DCC: variants seen among roughly 807,000 people sequenced by gnomAD.
The protein encoded by DCC is DCC netrin 1 receptor.
DCC carries 58 observed loss-of-function variants against 172.5 expected under a neutral mutation model. That is an observed-to-expected ratio of 0.34 (90% CI 0.27 to 0.42). DCC has a LOEUF of 0.42. Ranked by LOEUF, DCC falls within the 10% of genes least tolerant of loss-of-function variation. The pLI is 1.00. For synonymous variants in DCC, 709 were observed against 644.5 expected (o/e 1.10, Z -1.52); for missense variants, 1,740 against 1,791.0 (o/e 0.97, Z 0.51).
intron 12 of DCC, among the ~76,000 whole-genome samples, chr18:53,268,290 T>A (rs925437074): frequency 6.6e-6 from 1 of 152,174 alleles, no homozygotes; most frequent in Non-Finnish European, 1.5e-5. Context: ...GCAATCTGAT[T>A]TACACATACT....
rs561768541 is a variant in DCC at position 53,007,806 on chromosome 18, T to C, written c.986-55499T>C. 3.6e-4 allele frequency among the ~76,000 whole-genome samples: 54 copies of C among 152,094 alleles called. 1 individual carries two copies. Among genetic ancestry groups the C allele is most frequent in the Middle Eastern group, 6.8e-3 (2 of 294 alleles). On this transcript the variant is annotated intron_variant, in intron 5 of 28. Transcript: ENST00000442544. ...ACATGAAGTGCTCAGTGTTATAAAA[T>C]ATAGTAGCAAATGATGGGTGATAGG...
rs150977483 is a variant in DCC, at chr18:53,114,347, A to T, written c.1262-43009A>T. Among the ~76,000 whole-genome samples, 1,250 of 151,278 alleles carry T rather than the reference A, an allele frequency of 8.3e-3. 12 individuals carry two copies. Among genetic ancestry groups the T allele is most frequent in the Non-Finnish European group, 0.014 (944 of 67,642 alleles). ...TTTCTGTATAAGATATTTAACTTTG[A>T]AAAGAAAAGTGACAGCCTGCCAAGT... On this transcript the variant is annotated intron_variant, in intron 7 of 28. Coordinates refer to ENST00000442544, the MANE Select transcript of DCC (RefSeq NM_005215.4).
At chr18:53,402,963 C>A (rs1434497228) in intron 19 of DCC, 70 bp downstream of exon 19, 2 of 1,059,180 alleles carry the variant, frequency 1.9e-6, no homozygotes, top group East Asian at 2.4e-5. Flanking sequence ...CCTACATGAG[C>A]TGCTCCTGCC....
chr18:53,171,525 AT>A (rs764726096), intron 8 of DCC, among the ~76,000 whole-genome samples: 1 of 152,324 alleles, frequency 6.6e-6, no homozygotes, highest in African/African-American at 2.4e-5. Flanking sequence ...TTATACATAA[AT>A]TTTTTATGAA....
At chr18:52,576,738 G>A (rs553645183) in intron 1 of DCC, among the ~76,000 whole-genome samples, 1 of 151,504 alleles carries the variant, frequency 6.6e-6, no homozygotes, top group Non-Finnish European at 1.5e-5. Context: ...GCTGAGGCAG[G>A]AGAATGGCGT....
chr18:52,752,468 T>C, intron 2 of DCC, 94 bp downstream of exon 2: 1 of 961,506 alleles, frequency 1.0e-6, no homozygotes, highest in South Asian at 1.4e-5. Context: ...AGAAATAATG[T>C]ACATTTTAAA....
intron 1 of DCC, among the ~76,000 whole-genome samples, chr18:52,542,341 T>A (rs996947214): frequency 6.6e-6 from 1 of 152,134 alleles, no homozygotes; most frequent in Non-Finnish European, 1.5e-5. Flanking sequence ...TTTGAATAAA[T>A]TTTTTAAATG....
At chr18:53,487,423 A>T (rs926523017) in intron 26 of DCC, among the ~76,000 whole-genome samples, 1 of 152,160 alleles carries the variant, frequency 6.6e-6, no homozygotes, top group Non-Finnish European at 1.5e-5. Context: ...ATCAGAAAAA[A>T]AGGATTTCCA....
chr18:52,630,826 C>T (rs745459527), intron 1 of DCC, among the ~76,000 whole-genome samples: 1 of 152,138 alleles, frequency 6.6e-6, no homozygotes, highest in Non-Finnish European at 1.5e-5. Flanking sequence ...CTACCTTGTA[C>T]ACAGCAAGTC....
At chr18:52,940,722 T>A (rs1457585188) in intron 5 of DCC, among the ~76,000 whole-genome samples, 1 of 152,228 alleles carries the variant, frequency 6.6e-6, no homozygotes, top group Non-Finnish European at 1.5e-5. Context: ...TGATGTACTC[T>A]TTCTGCTATC....
At chr18:53,462,332 C>T (rs2045569530) in intron 24 of DCC, among the ~76,000 whole-genome samples, 1 of 152,098 alleles carries the variant, frequency 6.6e-6, no homozygotes, top group African/African-American at 2.4e-5. Flanking sequence ...ACTGCCTGAG[C>T]TCTGCCTCCT....
chr18:53,447,419 G>C (rs1912683468), intron 22 of DCC, among the ~76,000 whole-genome samples: 1 of 152,128 alleles, frequency 6.6e-6, no homozygotes. Flanking sequence ...TTTGTAATGG[G>C]AGTCCTCATG....
At chr18:52,641,021 T>C (rs903353582) in intron 1 of DCC, among the ~76,000 whole-genome samples, 22 of 151,804 alleles carry the variant, frequency 1.4e-4, no homozygotes, top group African/African-American at 5.1e-4. Context: ...AATAGGCACA[T>C]AGACCAATGG....
intron 7 of DCC, among the ~76,000 whole-genome samples, chr18:53,075,769 T>C (rs2042717797): frequency 1.3e-5 from 2 of 152,146 alleles, no homozygotes; most frequent in African/African-American, 4.8e-5. Context: ...GAAAGAGATA[T>C]ATATTCCTTT....
chr18:53,507,779 A>G (rs2046199469), intron 27 of DCC, among the ~76,000 whole-genome samples: 1 of 152,144 alleles, frequency 6.6e-6, no homozygotes, highest in Non-Finnish European at 1.5e-5. Flanking sequence ...GTCTTTTTCA[A>G]AGTGCTCTTC....
chr18:52,518,087 T>TA (rs1437699191), intron 1 of DCC, among the ~76,000 whole-genome samples: 2 of 152,184 alleles, frequency 1.3e-5, no homozygotes, highest in Admixed American at 6.5e-5. Flanking sequence ...CTAATTTCCC[T>TA]AAAAAATCTT....
chr18:53,428,610 AT>A lies in DCC; in HGVS notation c.3164-6529del, dbSNP rs1295211173. 6.6e-5 allele frequency among the ~76,000 whole-genome samples: 2 copies of A among 30,372 alleles called. 1 individual carries two copies. Among genetic ancestry groups the A allele is most frequent in the East Asian group, 1.3e-3 (2 of 1,580 alleles). The allele number at this position is 30,372 out of a possible 152,430, so 19.9% of individuals were successfully genotyped here. On this transcript the variant is annotated intron_variant, in intron 21 of 28. Coordinates refer to ENST00000442544, the MANE Select transcript of DCC (RefSeq NM_005215.4). ...ATATTTTTATATATAATTCATATATATTTTTATATATAATGTATATTTTATA... is the reference window on the plus strand; with the variant it reads ...ATATTTTTATATATAATTCATATATATTTTATATATAATGTATATTTTATA...
At chr18:52,891,724 C>T (rs939375782) in intron 2 of DCC, among the ~76,000 whole-genome samples, 42 of 152,214 alleles carry the variant, frequency 2.8e-4, no homozygotes, top group African/African-American at 8.7e-4. Context: ...CCCTTTTCCT[C>T]ATAAACATAT....
intron 13 of DCC, 115 bp from the exon 14 acceptor site, chr18:53,321,928 CACAA>C: frequency 1.3e-6 from 1 of 760,102 alleles, no homozygotes; most frequent in Non-Finnish European, 2.4e-6. Context: ...CCACAACAGT[CACAA>C]ACAATGTAAA....
Sources: allele counts gnomAD v4.1 joint callset (sites outside exome capture counted in the v4.1 genomes callset), GRCh38; gene constraint gnomAD v4.1.1; transcripts MANE v1.5; gene names NCBI Gene and HGNC (gene_info 2026-07-23, HGNC 2026-07-21).